MACROD2: variants seen among roughly 807,000 people sequenced by gnomAD.
MACROD2 encodes the protein ADP-ribose glycohydrolase MACROD2.
A neutral mutation model predicts 70.4 loss-of-function variants in MACROD2; 36 were observed. The observed-to-expected ratio is 0.51, with a 90% CI of 0.39 to 0.68. The LOEUF (loss-of-function observed/expected upper bound fraction) is 0.68. Among genes scored for constraint, MACROD2 ranks in the 30% least tolerant of loss-of-function variants. The probability of loss-of-function intolerance (pLI) is 0.00; values close to 1 mark genes in which losing one functional copy is unlikely to be tolerated. For synonymous variants in MACROD2, 172 were observed against 178.8 expected, an observed-to-expected ratio of 0.96 and a Z score of 0.30; for missense variants, 496 against 538.4, an observed-to-expected ratio of 0.92 and a Z score of 0.78.
At chr20:14,439,341 C>T (rs550309988) in intron 3 of MACROD2, among the ~76,000 whole-genome samples, 1 of 152,152 alleles carries the variant, frequency 6.6e-6, no homozygotes, top group African/African-American at 2.4e-5. Context: ...ATGCCTCTAA[C>T]CGTATTTTTC....
chr20:14,182,355 GT>G lies in MACROD2; in HGVS notation c.271+96633del, dbSNP rs570953145. ...GTCTTTTTTATTATTGAGTTGTTAG[GT>G]TTTTTCATATTATAATACTAGACCT... On this transcript the variant is annotated intron_variant, in intron 3 of 17. Transcript: ENST00000684519. Among the ~76,000 whole-genome samples, 80 of 151,990 alleles carry G rather than the reference GT, an allele frequency of 5.3e-4. 1 individual carries two copies. Among genetic ancestry groups the G allele is most frequent in the African/African-American group, 1.8e-3 (76 of 41,456 alleles).
chr20:15,268,291 T>A (rs776346188), intron 6 of MACROD2, among the ~76,000 whole-genome samples: 1 of 152,230 alleles, frequency 6.6e-6, no homozygotes, highest in South Asian at 2.1e-4. Flanking sequence ...TTGAGACTTA[T>A]GATCTTGTTG....
At chr20:14,001,979 A>C (rs894098985) in intron 1 of MACROD2, among the ~76,000 whole-genome samples, 4 of 152,198 alleles carry the variant, frequency 2.6e-5, no homozygotes, top group African/African-American at 7.2e-5. Flanking sequence ...TATCCAAACC[A>C]TATCACTTAT....
Position 14,326,158 on chromosome 20 carries a change from C to A in MACROD2, c.272-167321C>A, listed in dbSNP as rs1465626830. On this transcript the variant is annotated intron_variant, in intron 3 of 17. Transcript: ENST00000684519. The surrounding 1 kb of genome is among the most constrained non-coding windows in gnomAD (Gnocchi z 5.5). ...TGTTACAATTGTTTCTGTTATAGAT[C>A]CAAATGCCGGGCTATGGCCCAGTTT... 6.2e-7 allele frequency: 1 copy of A among 1,613,848 alleles called. No individual in the cohort carries two copies. The highest frequency in any genetic ancestry group is 1.7e-5 in the Admixed American group (1 of 59,976).
chr20:14,382,805 G>T (rs1485673049), intron 3 of MACROD2, among the ~76,000 whole-genome samples: 1 of 152,144 alleles, frequency 6.6e-6, no homozygotes, highest in Non-Finnish European at 1.5e-5. Flanking sequence ...AGTTATTCTT[G>T]AACCACCTTC....
intron 4 of MACROD2, among the ~76,000 whole-genome samples, chr20:14,503,630 A>G (rs919522386): frequency 6.6e-6 from 1 of 152,046 alleles, no homozygotes; most frequent in Non-Finnish European, 1.5e-5. Context: ...TAGCTAAAAT[A>G]CTCTCTCAGC....
At chr20:15,175,192 A>G (rs1423605625) in intron 5 of MACROD2, among the ~76,000 whole-genome samples, 1 of 149,404 alleles carries the variant, frequency 6.7e-6, no homozygotes. Flanking sequence ...AAAACCAAAC[A>G]CCGCATATTG....
At chr20:14,742,420 T>C (rs2071743816) in intron 5 of MACROD2, among the ~76,000 whole-genome samples, 1 of 144,332 alleles carries the variant, frequency 6.9e-6, no homozygotes, top group East Asian at 2.0e-4. Flanking sequence ...AGTTAGAAAA[T>C]AGATATATAA....
At chr20:15,162,593 A>G (rs1283030775) in intron 5 of MACROD2, among the ~76,000 whole-genome samples, 2 of 152,160 alleles carry the variant, frequency 1.3e-5, no homozygotes, top group Non-Finnish European at 2.9e-5. Context: ...TCAAACCCTT[A>G]GCACAGAAAT....
intron 9 of MACROD2, among the ~76,000 whole-genome samples, chr20:15,880,955 C>T (rs1391289030): frequency 6.6e-6 from 1 of 152,084 alleles, no homozygotes; most frequent in Admixed American, 6.6e-5. Flanking sequence ...GACCTTCTCT[C>T]TGACTGAGCT....
At chr20:15,038,925 G>T (rs1430063836) in intron 5 of MACROD2, among the ~76,000 whole-genome samples, 1 of 152,158 alleles carries the variant, frequency 6.6e-6, no homozygotes, top group Admixed American at 6.5e-5. Context: ...AATGTCAAGT[G>T]TTAATCAAAT....
At chr20:15,259,492 G>C (rs912112103) in intron 6 of MACROD2, among the ~76,000 whole-genome samples, 2 of 151,988 alleles carry the variant, frequency 1.3e-5, no homozygotes, top group East Asian at 3.9e-4. Flanking sequence ...TTTATACTTT[G>C]CTGCATTTGT....
chr20:14,530,338 A>G (rs1439603250), intron 4 of MACROD2, among the ~76,000 whole-genome samples: 1 of 152,230 alleles, frequency 6.6e-6, no homozygotes, highest in African/African-American at 2.4e-5. Context: ...CTTTATGTCC[A>G]TAACACAAAA....
intron 6 of MACROD2, among the ~76,000 whole-genome samples, chr20:15,375,200 A>C (rs2045546058): frequency 6.6e-6 from 1 of 152,200 alleles, no homozygotes; most frequent in Admixed American, 6.6e-5. Context: ...TCATTATTTT[A>C]AAGTAATTGG....
intron 8 of MACROD2, among the ~76,000 whole-genome samples, chr20:15,686,214 G>A (rs984014032): frequency 1.3e-5 from 2 of 152,086 alleles, no homozygotes; most frequent in Non-Finnish European, 2.9e-5. Context: ...AGACATTTTT[G>A]CTACTTAAAT....
intron 5 of MACROD2, among the ~76,000 whole-genome samples, chr20:14,945,409 A>G (rs943128047): frequency 6.6e-5 from 10 of 152,170 alleles, no homozygotes; most frequent in African/African-American, 1.7e-4. Context: ...TCAAGTCAGG[A>G]AACACTGGAC....
intron 3 of MACROD2, among the ~76,000 whole-genome samples, chr20:14,208,872 C>T (rs1167353968): frequency 6.6e-6 from 1 of 152,124 alleles, no homozygotes; most frequent in Non-Finnish European, 1.5e-5. Context: ...ACATGTTGAT[C>T]CATTCTCCTA....
intron 6 of MACROD2, among the ~76,000 whole-genome samples, chr20:15,365,649 A>G (rs1383294163): frequency 3.3e-5 from 5 of 151,432 alleles, no homozygotes; most frequent in Admixed American, 6.6e-5. Context: ...CGACAGAGCG[A>G]GGCTCTGTCT....
chr20:15,635,676 C>T (rs1217527045), intron 8 of MACROD2, among the ~76,000 whole-genome samples: 1 of 152,158 alleles, frequency 6.6e-6, no homozygotes, highest in East Asian at 1.9e-4. Flanking sequence ...CCCTAAGCCT[C>T]AGCATCCTGC....
Sources: gnomAD v4.1 joint callset for allele counts (sites outside exome capture counted in the v4.1 genomes callset) on GRCh38, gnomAD v4.1.1 for gene constraint, Gnocchi (gnomAD v3.1) non-coding constraint, MANE v1.5 for transcripts, NCBI Gene and HGNC (gene_info 2026-07-23, HGNC 2026-07-21) for gene names.